Variants in CTNNA3 observed in about 807,000 individuals in gnomAD.
CTNNA3 encodes catenin alpha 3, also known as catenin alpha-3.
CTNNA3 carries 76 observed loss-of-function variants against 95.7 expected under a neutral mutation model. The ratio of observed to expected loss-of-function variants is 0.79; its 90% CI spans 0.66 to 0.96. The LOEUF is 0.96. Ranked by LOEUF, CTNNA3 falls within the 40% of genes least tolerant of loss-of-function variation. CTNNA3 has a pLI of 0.00. For synonymous variants in CTNNA3, 431 were observed against 374.4 expected (o/e 1.15, Z -1.74); for missense variants, 1,191 against 1,089.8 (o/e 1.09, Z -1.31).
At chr10:66,246,807 C>T (rs371920662) in intron 13 of CTNNA3, among the ~76,000 whole-genome samples, 1 of 151,976 alleles carries the variant, frequency 6.6e-6, no homozygotes, top group East Asian at 2.0e-4. Flanking sequence ...AATCCCAGCA[C>T]TTTGGGAGGC....
intron 17 of CTNNA3, among the ~76,000 whole-genome samples, chr10:65,933,888 C>G (rs1391148508): frequency 6.6e-6 from 1 of 152,108 alleles, no homozygotes; most frequent in Non-Finnish European, 1.5e-5. Flanking sequence ...CCAGTCCCGA[C>G]CAGCTGGGTA....
At chr10:66,311,179 C>T (rs1010316503) in intron 12 of CTNNA3, among the ~76,000 whole-genome samples, 2 of 152,094 alleles carry the variant, frequency 1.3e-5, no homozygotes, top group Admixed American at 6.5e-5. Context: ...GTGGAGAGCA[C>T]GTCACTAATT....
intron 13 of CTNNA3, among the ~76,000 whole-genome samples, chr10:66,259,620 C>A (rs2090921286): frequency 6.6e-6 from 1 of 152,092 alleles, no homozygotes; most frequent in South Asian, 2.1e-4. Context: ...TACTTCAAAC[C>A]CTAGATACCT....
At chr10:65,969,317 T>C (rs941842604) in intron 16 of CTNNA3, among the ~76,000 whole-genome samples, 1 of 152,148 alleles carries the variant, frequency 6.6e-6, no homozygotes, top group African/African-American at 2.4e-5. Flanking sequence ...ATTTGAAGTA[T>C]CAATGCTTCA....
intron 15 of CTNNA3, among the ~76,000 whole-genome samples, chr10:66,016,751 C>T (rs1374182295): frequency 6.6e-6 from 1 of 152,030 alleles, no homozygotes; most frequent in African/African-American, 2.4e-5. Context: ...AGATGTGCTT[C>T]TATTCTCATC....
chr10:66,983,906 A>G (rs12775004), intron 7 of CTNNA3, among the ~76,000 whole-genome samples: 1,667 of 152,332 alleles, frequency 0.011, 25 homozygotes, highest in African/African-American at 0.038. Context: ...CTCTATGCTA[A>G]GTCCTTTGCA....
At chr10:66,820,642 T>TAAA (rs58323145) in intron 7 of CTNNA3, among the ~76,000 whole-genome samples, 1 of 129,504 alleles carries the variant, frequency 7.7e-6, no homozygotes, top group East Asian at 2.1e-4. Context: ...GAAGTGAAAG[T>TAAA]AAAAAAAAAA....
At chr10:66,972,777 C>T (rs1259897692) in intron 7 of CTNNA3, among the ~76,000 whole-genome samples, 1 of 141,276 alleles carries the variant, frequency 7.1e-6, no homozygotes, top group Non-Finnish European at 1.5e-5. Context: ...ATGGTGCAAT[C>T]TCGGCTCACT....
chr10:66,693,785 C>T (rs955009188), intron 9 of CTNNA3, among the ~76,000 whole-genome samples: 4 of 152,066 alleles, frequency 2.6e-5, no homozygotes, highest in African/African-American at 9.7e-5. Context: ...TGCAATCAAA[C>T]TAGAACTCAG....
intron 3 of CTNNA3, among the ~76,000 whole-genome samples, chr10:67,572,355 C>A (rs111244198): frequency 6.6e-6 from 1 of 152,094 alleles, no homozygotes. Flanking sequence ...GAGTGAATCG[C>A]ACCAGAATGA....
At chr10:67,199,624 C>CCAAAGATTAA (rs1203309182) in intron 6 of CTNNA3, among the ~76,000 whole-genome samples, 1 of 152,154 alleles carries the variant, frequency 6.6e-6, no homozygotes, top group Non-Finnish European at 1.5e-5. Flanking sequence ...CCACCTCGGC[C>CCAAAGATTAA]TCCCAAAGTG....
chr10:66,073,045 G>A (rs930116065), intron 14 of CTNNA3, among the ~76,000 whole-genome samples: 3 of 152,022 alleles, frequency 2.0e-5, no homozygotes, highest in African/African-American at 4.8e-5. Context: ...AGTACCACAT[G>A]ACCTCACTCA....
rs11372052 is a variant in CTNNA3 at position 66,676,175 on chromosome 10, G to GAA, written c.1282-54393_1282-54392dup. Among the ~76,000 whole-genome samples the GAA allele has an allele frequency of 5.6e-3, 838 of 150,512 alleles. 13 individuals carry two copies. The highest frequency in any genetic ancestry group is 0.019 in the African/African-American group (762 of 40,978). ...TTCCAGGTTGTGAAATGGACTGGGG[G>GAA]AAAAAGAAAACGGTGACAGAGAAAG... On this transcript the variant is annotated intron_variant, in intron 9 of 17. Transcript: ENST00000433211.
intron 7 of CTNNA3, among the ~76,000 whole-genome samples, chr10:67,027,137 G>A (rs934634580): frequency 2.6e-5 from 4 of 152,114 alleles, no homozygotes; most frequent in Admixed American, 1.3e-4. Flanking sequence ...TGCTGATAGA[G>A]TGAGTGCCCA....
At chr10:66,516,677 C>G (rs973322567) in intron 11 of CTNNA3, among the ~76,000 whole-genome samples, 3 of 152,176 alleles carry the variant, frequency 2.0e-5, no homozygotes, top group Admixed American at 2.0e-4. Flanking sequence ...ACCCTCTAAA[C>G]TCATCTTGGA....
chr10:66,674,947 T>A (rs1292017389), intron 9 of CTNNA3, among the ~76,000 whole-genome samples: 1 of 152,054 alleles, frequency 6.6e-6, no homozygotes, highest in Non-Finnish European at 1.5e-5. Context: ...CAACTGCATT[T>A]AGAATGCCGA....
chr10:67,043,176 T>C (rs1952060), intron 7 of CTNNA3, among the ~76,000 whole-genome samples: 67,278 of 148,590 alleles, frequency 0.45, 15,714 homozygotes, highest in Middle Eastern at 0.62. Flanking sequence ...TCTGGGTCCA[T>C]TTCCAACTTT....
At chr10:66,790,762 G>T in intron 7 of CTNNA3, among the ~76,000 whole-genome samples, 1 of 151,786 alleles carries the variant, frequency 6.6e-6, no homozygotes, top group East Asian at 1.9e-4. Context: ...TATTTTAATC[G>T]TCTTAACAGA....
At chr10:67,528,838 G>A (rs895225983) in intron 4 of CTNNA3, among the ~76,000 whole-genome samples, 2 of 152,082 alleles carry the variant, frequency 1.3e-5, no homozygotes, top group Admixed American at 6.5e-5. Flanking sequence ...GAGATAACTG[G>A]AAAGATGCTG....
Sources: gnomAD v4.1 joint callset for allele counts (sites outside exome capture counted in the v4.1 genomes callset) on GRCh38, gnomAD v4.1.1 for gene constraint, MANE v1.5 for transcripts, NCBI Gene and HGNC (gene_info 2026-07-23, HGNC 2026-07-21) for gene names.